The following RELN variants were observed in gnomAD, a reference collection of about 807,000 sequenced individuals.
RELN encodes the protein reelin.
Under a neutral mutation model 427.6 loss-of-function variants are expected in RELN, and 108 were observed. The observed-to-expected ratio is 0.25, with a 90% CI of 0.22 to 0.30. RELN has a LOEUF of 0.30. Ranked by LOEUF, RELN falls within the 10% of genes least tolerant of loss-of-function variation. The probability of loss-of-function intolerance (pLI) is 1.00; values close to 1 mark genes in which losing one functional copy is unlikely to be tolerated. For missense variants in RELN, 3,715 were observed against 4,302.8 expected, an observed-to-expected ratio of 0.86 and a Z score of 3.82; for synonymous variants, 1,524 against 1,513.4, an observed-to-expected ratio of 1.01 and a Z score of -0.16.
At chr7:103,916,556 G>A (rs1046523223) in intron 2 of RELN, among the ~76,000 whole-genome samples, 1 of 152,098 alleles carries the variant, frequency 6.6e-6, no homozygotes, top group African/African-American at 2.4e-5. Context: ...TTTAAGGACA[G>A]GTCTCTGATT....
In RELN at chr7:103,670,091, T is replaced by C. The variant is rs537100253; in HGVS notation, c.1290-8564A>G. Among the ~76,000 whole-genome samples the C allele has an allele frequency of 2.8e-4, 42 of 152,286 alleles. No homozygotes were observed. In the South Asian group the frequency reaches 7.9e-3, roughly 29 times the overall value. On this transcript the variant is annotated intron_variant, in intron 11 of 64. Coordinates refer to ENST00000428762, the MANE Select transcript of RELN (RefSeq NM_005045.4). ...TAATATTTTTGTAAGCAAAAAATAA[T>C]GTAAAGAGGTGTCTTAGCTGGAAAG...
In RELN at chr7:103,789,503, C is replaced by G. The variant is rs189750078; in HGVS notation, c.474-12876G>C. Among the ~76,000 whole-genome samples the G allele has an allele frequency of 1.4e-3, 206 of 152,074 alleles. 1 individual carries two copies. The highest frequency in any genetic ancestry group is 4.8e-3 in the African/African-American group (199 of 41,480). ...TTAAATTTACAAGAAAAAAACAACC[C>G]CATCAAAACGTGAGTGAAGGATATG... is the stretch of plus-strand genomic sequence containing the variant. On this transcript the variant is annotated intron_variant, in intron 3 of 64. Transcript: ENST00000428762.
intron 2 of RELN, among the ~76,000 whole-genome samples, chr7:103,857,547 C>T (rs1296840996): frequency 6.6e-6 from 1 of 152,202 alleles, no homozygotes; most frequent in Non-Finnish European, 1.5e-5. Context: ...AGGGCCTGCC[C>T]AGAGAGCTGC....
intron 43 of RELN, among the ~76,000 whole-genome samples, chr7:103,541,855 A>C (rs1830183919): frequency 6.6e-6 from 1 of 152,230 alleles, no homozygotes; most frequent in Non-Finnish European, 1.5e-5. Flanking sequence ...TGTTTTTATA[A>C]CTGTGTAATT....
At chr7:103,621,981 A>G (rs1423862760) in intron 20 of RELN, among the ~76,000 whole-genome samples, 1 of 152,180 alleles carries the variant, frequency 6.6e-6, no homozygotes, top group East Asian at 1.9e-4. Context: ...GTGACACTGC[A>G]CTCCAGCCTG....
In RELN at chr7:103,501,392, A is replaced by G. The variant is rs1485113203; in HGVS notation, c.8490-470T>C. On this transcript the variant is annotated intron_variant, in intron 52 of 64. Transcript: ENST00000428762. The stretch of plus-strand genomic sequence containing the variant: ...GCAGCATTTTCTGAATTCCCTGAAG[A>G]CAATCAATATTCTCAGAGTAACTAT... 2.0e-5 allele frequency among the ~76,000 whole-genome samples: 3 copies of G among 152,226 alleles called. 1 individual carries two copies. In the East Asian group the frequency reaches 5.8e-4, roughly 29 times the overall value.
chr7:103,762,109 C>T (rs1014783342), intron 4 of RELN, among the ~76,000 whole-genome samples: 4 of 152,108 alleles, frequency 2.6e-5, no homozygotes, highest in Non-Finnish European at 5.9e-5. Context: ...TTAAGTTCTG[C>T]CCATATGAGG....
At position 103,498,018 on chromosome 7, in the gene RELN, T is replaced by C. The variant is rs549043621; in HGVS notation, c.8843+59A>G. 67 of 1,604,768 alleles carry C rather than the reference T, an allele frequency of 4.2e-5. No individual in the cohort carries two copies. In the East Asian group the frequency reaches 8.3e-4, roughly 20 times the overall value. ...ATAATTTCTTCCATACAAGTGTTCCTTGCTTTGGGACCAATTTGCTATGGT... is the reference window on the plus strand; with the variant it reads ...ATAATTTCTTCCATACAAGTGTTCCCTGCTTTGGGACCAATTTGCTATGGT... On this transcript the variant is annotated intron_variant, in intron 54 of 64. Transcript: ENST00000428762.
At chr7:103,728,825 T>G (rs1334639716) in intron 6 of RELN, among the ~76,000 whole-genome samples, 1 of 152,160 alleles carries the variant, frequency 6.6e-6, no homozygotes, top group Admixed American at 6.5e-5. Context: ...GAAATCAGAT[T>G]GTATTTAATC....
At position 103,490,795 on chromosome 7, in the gene RELN, G is replaced by C. The variant is rs185075003; in HGVS notation, c.9478C>G (p.Leu3160Val). The C allele has an allele frequency of 6.2e-5, 100 of 1,614,174 alleles. No individual in the cohort carries two copies. The highest frequency in any genetic ancestry group is 8.1e-5 in the Non-Finnish European group (95 of 1,180,048). The stretch of plus-strand genomic sequence containing the variant: ...CCAATGCTGTTAGAAGAGGAAGGAA[G>C]GCACTGGGTCTGTACGAGCTGCCAG... ...DSWQLVQTQCLPSSSNSIGCS... is the reference protein window; with the variant it reads ...DSWQLVQTQCVPSSSNSIGCS... The change falls in exon 59 of 65, where the codon CTT (leucine) becomes GTT (valine). Residue 3160 changes from leucine to valine, a missense_variant. Physicochemically the swap from Leu to Val is conservative, Grantham distance 32 (BLOSUM62 1). This residue lies in a region of RELN where 1,310 missense variants were observed against 1,643.0 expected (regional missense o/e 0.80). Transcript: ENST00000428762.
rs369019961 is a variant in RELN at position 103,585,127 on chromosome 7, A to G, written c.4145+4469T>C. Reference sequence around the variant, plus strand: ...AAGATAGAAAGATTGTAAATTAACAACTTAACATTGCACCTCAAGGAAGAA... The same window carrying G: ...AAGATAGAAAGATTGTAAATTAACAGCTTAACATTGCACCTCAAGGAAGAA... On this transcript the variant is annotated intron_variant, in intron 28 of 64. Coordinates refer to ENST00000428762, the MANE Select transcript of RELN (RefSeq NM_005045.4). 1.1e-4 allele frequency among the ~76,000 whole-genome samples: 16 copies of G among 152,298 alleles called. 1 individual carries two copies. The East Asian group carries it at 2.5e-3, about 24-fold the overall frequency.
rs767475321 is a variant in RELN, at chr7:103,566,213, A to C, written c.4936+11T>G. The stretch of plus-strand genomic sequence containing the variant: ...TCAGATATTTTCCCTTTATCTGGTG[A>C]CAATATATACCTATGTTTTCAGTGA... On this transcript the variant is annotated intron_variant, in intron 33 of 64. Transcript: ENST00000428762. The C allele has an allele frequency of 1.2e-6, 2 of 1,603,454 alleles. No individual in the cohort carries two copies. The highest frequency in any genetic ancestry group is 1.7e-6 in the Non-Finnish European group (2 of 1,170,484).
chr7:103,561,594 C>T lies in RELN; in HGVS notation c.5467G>A (p.Ala1823Thr). The T allele has an allele frequency of 6.2e-7, 1 of 1,613,850 alleles. No individual in the cohort carries two copies. The highest frequency in any genetic ancestry group is 8.5e-7 in the Non-Finnish European group (1 of 1,179,824). ...HPDLWPEVYG[A>T]ERGNLNGETI... is the part of the protein sequence containing the mutation. The stretch of plus-strand genomic sequence containing the variant: ...TCACCATTCAGATTCCCCCTCTCTG[C>T]ACCATACACTTCAGGCCAAAGGTCA... The change falls in exon 36 of 65, where the codon GCA becomes ACA. Residue 1823 changes from alanine (A) to threonine (T), a missense_variant. Physicochemically the swap from Ala to Thr is moderately conservative, Grantham distance 58. Coordinates refer to ENST00000428762, the MANE Select transcript of RELN (RefSeq NM_005045.4).
intron 8 of RELN, among the ~76,000 whole-genome samples, chr7:103,706,847 G>T (rs1427092329): frequency 1.3e-5 from 2 of 152,132 alleles, no homozygotes; most frequent in East Asian, 3.9e-4. Flanking sequence ...TATGGGAGAA[G>T]ATCACAGAAC....
intron 37 of RELN, 103 bp from the exon 38 acceptor site, chr7:103,557,262 G>GCA: frequency 1.0e-6 from 1 of 990,520 alleles, no homozygotes; most frequent in Non-Finnish European, 1.6e-6. Context: ...GAGAACTTAT[G>GCA]TTTACATGGA....
At chr7:103,788,699 A>G (rs1400040080) in intron 3 of RELN, among the ~76,000 whole-genome samples, 2 of 152,232 alleles carry the variant, frequency 1.3e-5, no homozygotes, top group Non-Finnish European at 2.9e-5. Context: ...GACACAAACA[A>G]ATGGAAAATC....
intron 4 of RELN, among the ~76,000 whole-genome samples, chr7:103,768,409 G>A (rs2116165488): frequency 6.6e-6 from 1 of 152,112 alleles, no homozygotes; most frequent in East Asian, 1.9e-4. Context: ...GAACATTAAG[G>A]GGACTCCTTA....
chr7:103,887,931 A>T (rs987169789), intron 2 of RELN, among the ~76,000 whole-genome samples: 15 of 152,198 alleles, frequency 9.9e-5, no homozygotes, highest in Admixed American at 5.9e-4. Flanking sequence ...CAAAATAACT[A>T]GGATAGAACT....
intron 26 of RELN, 119 bp downstream of exon 26, chr7:103,594,202 G>A: frequency 9.5e-7 from 1 of 1,047,800 alleles, no homozygotes; most frequent in African/African-American, 1.6e-5. Flanking sequence ...TTAAGTACAA[G>A]CCCTTAAACT....
Sources: gnomAD v4.1 joint callset for allele counts (sites outside exome capture counted in the v4.1 genomes callset) on GRCh38, gnomAD v4.1.1 for gene constraint, gnomAD v4.1.1 regional missense constraint, MANE v1.5 for transcripts, NCBI Gene and HGNC (gene_info 2026-07-23, HGNC 2026-07-21) for gene names.